Variants in KCND3 observed in about 807,000 individuals in gnomAD.
KCND3 encodes A-type voltage-gated potassium channel KCND3.
Under a neutral mutation model 51.1 loss-of-function variants are expected in KCND3, and 9 were observed. The observed-to-expected ratio is 0.18, with a 90% CI of 0.11 to 0.31. The LOEUF (loss-of-function observed/expected upper bound fraction) is 0.31. Ranked by LOEUF, KCND3 falls within the 10% of genes least tolerant of loss-of-function variation. The probability of loss-of-function intolerance (pLI) is 1.00; values close to 1 mark genes in which losing one functional copy is unlikely to be tolerated. For synonymous variants in KCND3, 349 were observed against 368.0 expected (o/e 0.95, Z 0.59); for missense variants, 526 against 903.8 (o/e 0.58, Z 5.36).
At chr1:111,855,299 C>A (rs1668012883) in intron 2 of KCND3, among the ~76,000 whole-genome samples, 1 of 152,196 alleles carries the variant, frequency 6.6e-6, no homozygotes, top group Non-Finnish European at 1.5e-5. Flanking sequence ...GACAAGCCTG[C>A]CAGCCTCCCT....
At chr1:111,799,661 GTGATCACTGTAGCCCAT>G (rs1665206472) in intron 2 of KCND3, among the ~76,000 whole-genome samples, 2 of 152,206 alleles carry the variant, frequency 1.3e-5, no homozygotes, top group Non-Finnish European at 2.9e-5. Flanking sequence ...ACCAAAAGAG[GTGATCACTGTAGCCCAT>G]CGCAGAGCGC....
intron 2 of KCND3, among the ~76,000 whole-genome samples, chr1:111,847,144 T>C (rs1274679380): frequency 6.6e-6 from 1 of 152,262 alleles, no homozygotes; most frequent in East Asian, 1.9e-4. Flanking sequence ...CAGGGCAAAC[T>C]GGCCAGAGAA....
chr1:111,837,995 A>T (rs1165830391), intron 2 of KCND3, among the ~76,000 whole-genome samples: 1 of 152,196 alleles, frequency 6.6e-6, no homozygotes, highest in African/African-American at 2.4e-5. Flanking sequence ...CCGAGGGCAC[A>T]TATGATCCAC....
chr1:111,825,008 C>T (rs1032470492), intron 2 of KCND3, among the ~76,000 whole-genome samples: 2 of 152,130 alleles, frequency 1.3e-5, no homozygotes, highest in Admixed American at 6.5e-5. Context: ...AGACCAAACC[C>T]CTGACATTTC....
intron 2 of KCND3, among the ~76,000 whole-genome samples, chr1:111,869,877 T>C (rs1371645164): frequency 6.7e-6 from 1 of 150,184 alleles, no homozygotes; most frequent in Non-Finnish European, 1.5e-5. Flanking sequence ...GTACTCTGTG[T>C]GTGTGAAGCT....
chr1:111,987,386 G>A (rs1473063850), intron 1 of KCND3, among the ~76,000 whole-genome samples: 3 of 152,162 alleles, frequency 2.0e-5, no homozygotes, highest in African/African-American at 7.2e-5. Flanking sequence ...GTGAATCCAG[G>A]GCAATCTTCC....
chr1:111,876,542 C>T (rs1669058933), intron 2 of KCND3, among the ~76,000 whole-genome samples: 1 of 152,178 alleles, frequency 6.6e-6, no homozygotes, highest in Admixed American at 6.5e-5. Flanking sequence ...CAGTGGGCGG[C>T]CAGGAATTGT....
chr1:111,884,776 G>T (rs970633585), intron 2 of KCND3, among the ~76,000 whole-genome samples: 1 of 152,190 alleles, frequency 6.6e-6, no homozygotes, highest in Non-Finnish European at 1.5e-5. Context: ...AACCAGCATG[G>T]ATTCATTAAG....
intron 2 of KCND3, among the ~76,000 whole-genome samples, chr1:111,903,633 A>G (rs945535169): frequency 1.3e-5 from 2 of 152,238 alleles, no homozygotes; most frequent in Non-Finnish European, 2.9e-5. Context: ...CTCACCTGGC[A>G]TTGGTGACAT....
At chr1:111,855,340 C>T (rs574514480) in intron 2 of KCND3, among the ~76,000 whole-genome samples, 12 of 152,312 alleles carry the variant, frequency 7.9e-5, no homozygotes, top group Admixed American at 2.6e-4. Flanking sequence ...GTCCGTTATC[C>T]GAAAGCTAAC....
chr1:111,977,262 C>T (rs573909179), intron 2 of KCND3, among the ~76,000 whole-genome samples: 1 of 152,322 alleles, frequency 6.6e-6, no homozygotes, highest in East Asian at 1.9e-4. Flanking sequence ...AGATCTCAGA[C>T]TGGCTCCACT....
At position 111,982,646 on chromosome 1, in the gene KCND3, C is replaced by T; in HGVS notation, c.81G>A (p.Met27Ile). 1 of 1,613,580 alleles carries T rather than the reference C, an allele frequency of 6.2e-7. No homozygotes were observed. ...TGTTCTTGTCGGCCGGGGCCAGGGGCATGGGGCAGTTGGCCACCGGCATCC... is the reference window on the plus strand; with the variant it reads ...TGTTCTTGTCGGCCGGGGCCAGGGGTATGGGGCAGTTGGCCACCGGCATCC... The part of the protein sequence containing the change: ...IGWMPVANCP[M>I]PLAPADKNKR... Residue 27 changes from methionine to isoleucine, a missense_variant, in exon 2 of 8, where the codon ATG (methionine) becomes ATA (isoleucine). Met to Ile is a conservative substitution (Grantham distance 10). This residue lies in a region of KCND3 where 159 missense variants were observed against 262.8 expected (regional missense o/e 0.61). Transcript: ENST00000302127. This position sits in a 1 kb window ranked among gnomAD's most constrained non-coding sequence, Gnocchi z 8.5.
intron 2 of KCND3, among the ~76,000 whole-genome samples, chr1:111,848,656 G>T (rs1227891300): frequency 1.3e-5 from 2 of 152,204 alleles, no homozygotes; most frequent in Non-Finnish European, 2.9e-5. Context: ...ATGGTGCGTG[G>T]CCCCTGGGGC....
chr1:111,877,361 C>A (rs1669097703), intron 2 of KCND3, among the ~76,000 whole-genome samples: 1 of 152,240 alleles, frequency 6.6e-6, no homozygotes, highest in Non-Finnish European at 1.5e-5. Flanking sequence ...GTTTCCTCAG[C>A]ACTTTCAGTT....
intron 2 of KCND3, among the ~76,000 whole-genome samples, chr1:111,861,305 C>A (rs1054732469): frequency 2.0e-5 from 3 of 152,114 alleles, no homozygotes; most frequent in Non-Finnish European, 4.4e-5. Context: ...TGAGTTTACA[C>A]CCTGGGTTCC....
At chr1:111,906,783 A>G (rs777456792) in intron 2 of KCND3, among the ~76,000 whole-genome samples, 3 of 152,164 alleles carry the variant, frequency 2.0e-5, no homozygotes, top group Non-Finnish European at 4.4e-5. Flanking sequence ...TCCTTAATCC[A>G]GTCTGACCAC....
rs1664174124 is a variant in KCND3, at chr1:111,777,354, T to A, written c.1519-81A>T. 2.0e-5 allele frequency: 29 copies of A among 1,483,042 alleles called. No individual in the cohort carries two copies. The South Asian group carries it at 3.3e-4, about 17-fold the overall frequency. 91.9% of individuals were successfully genotyped at this position (1,483,042 alleles called of 1,614,324 possible). ...AGCCCCTATACTCTGTATGGCTGCCTGTCTCTGTTCTGGACCTTGAAGGAA... is the reference window on the plus strand; with the variant it reads ...AGCCCCTATACTCTGTATGGCTGCCAGTCTCTGTTCTGGACCTTGAAGGAA... On this transcript the variant is annotated intron_variant, in intron 6 of 7. Coordinates refer to ENST00000302127, the MANE Select transcript of KCND3 (RefSeq NM_001378969.1).
intron 2 of KCND3, among the ~76,000 whole-genome samples, chr1:111,855,126 C>T (rs60274870): frequency 5.6e-4 from 86 of 152,312 alleles, no homozygotes; most frequent in African/African-American, 2.0e-3. Flanking sequence ...GATCCTTAGG[C>T]CCATGGGGGA....
At chr1:111,882,877 T>C (rs1029146250) in intron 2 of KCND3, among the ~76,000 whole-genome samples, 8 of 152,114 alleles carry the variant, frequency 5.3e-5, no homozygotes, top group African/African-American at 1.9e-4. Context: ...CCTGGGGCCT[T>C]GCTGAATCTC....
Sources: allele counts gnomAD v4.1 joint callset (sites outside exome capture counted in the v4.1 genomes callset), GRCh38; gene constraint gnomAD v4.1.1; regional missense constraint gnomAD v4.1.1; non-coding constraint Gnocchi (gnomAD v3.1); transcripts MANE v1.5; gene names NCBI Gene and HGNC (gene_info 2026-07-23, HGNC 2026-07-21).